Variants in MAPK8IP1 observed in about 807,000 individuals in gnomAD.
MAPK8IP1 encodes C-Jun-amino-terminal kinase-interacting protein 1.
In MAPK8IP1, 17 loss-of-function variants were observed where a neutral mutation model predicts 72.6. The ratio of observed to expected loss-of-function variants is 0.23; its 90% confidence interval spans 0.16 to 0.35. The LOEUF is 0.35. MAPK8IP1 is among the 10% of genes least tolerant of loss of function. The pLI, the probability that MAPK8IP1 is intolerant of heterozygous loss-of-function variation, is 1.00. For missense variants in MAPK8IP1, 789 were observed against 1,009.7 expected (o/e 0.78, Z 2.96); for synonymous variants, 401 against 443.4 (o/e 0.90, Z 1.20).
At position 45,900,653 on chromosome 11, in the gene MAPK8IP1, G is replaced by C. The variant is rs1485945520; in HGVS notation, c.522+201G>C. 6.6e-6 allele frequency among the ~76,000 whole-genome samples: 1 copy of C among 152,250 alleles called. No homozygotes were observed. Among genetic ancestry groups the C allele is most frequent in the Admixed American group, 6.5e-5 (1 of 15,290 alleles). ...CCTTACGAAGAGGGGGCTGAGTCCAGCTGGCCGGGCTTGGAGCCTTGAGGC... is the reference window on the plus strand; with the variant it reads ...CCTTACGAAGAGGGGGCTGAGTCCACCTGGCCGGGCTTGGAGCCTTGAGGC... On this transcript the variant is annotated intron_variant, in intron 3 of 11. Transcript: ENST00000241014. The surrounding 1 kb of genome is among the most constrained non-coding windows in gnomAD (Gnocchi z 6.5).
Position 45,903,245 on chromosome 11 carries a change from G to A in MAPK8IP1, c.1417+61G>A, listed in dbSNP as rs2086671974. 6.3e-7 allele frequency: 1 copy of A among 1,586,728 alleles called. No homozygotes were observed. The highest frequency in any genetic ancestry group is 8.6e-7 in the Non-Finnish European group (1 of 1,164,396). Reference sequence around the variant, plus strand: ...TCCCTAGCGGGGGCAGAGCCAAAATGCGAAGTGTTCTGGGAGGCGACCCCA... The same window carrying A: ...TCCCTAGCGGGGGCAGAGCCAAAATACGAAGTGTTCTGGGAGGCGACCCCA... On this transcript the variant is annotated intron_variant, in intron 5 of 11. Transcript: ENST00000241014. The surrounding 1 kb of genome is among the most constrained non-coding windows in gnomAD (Gnocchi z 6.4).
chr11:45,896,972 G>C lies in MAPK8IP1; in HGVS notation c.102-1113G>C, dbSNP rs79898176. 1,078 of 1,558,890 alleles carry C rather than the reference G, an allele frequency of 6.9e-4. 4 individuals carry two copies. The East Asian group carries it at 0.023, about 34-fold the overall frequency. On this transcript the variant is annotated intron_variant, in intron 1 of 11. Transcript: ENST00000241014. ...GCTGGTAGGGGCTACCGGGGCTGGC[G>C]GGGGTGGAGACCGAGTTGGGGTGAG...
Position 45,903,646 on chromosome 11 carries a change from T to G in MAPK8IP1, c.1493+206T>G, listed in dbSNP as rs997685792. On this transcript the variant is annotated intron_variant, in intron 6 of 11. Transcript: ENST00000241014. The surrounding 1 kb of genome is among the most constrained non-coding windows in gnomAD (Gnocchi z 6.4). ...GCTACAGTGAGGGATCCCAGAACTG[T>G]GCACCTAGTCTGGCCAGGGGCAGGG... 6.6e-6 allele frequency among the ~76,000 whole-genome samples: 1 copy of G among 152,166 alleles called. No individual in the cohort carries two copies. The highest frequency in any genetic ancestry group is 2.4e-5 in the African/African-American group (1 of 41,442).
chr11:45,894,671 C>T (rs546720652), intron 1 of MAPK8IP1, among the ~76,000 whole-genome samples: 5 of 152,318 alleles, frequency 3.3e-5, no homozygotes, highest in Middle Eastern at 3.4e-3. Flanking sequence ...AGAGGCTGTC[C>T]TGTGACAGAC....
chr11:45,887,075 C>G (rs2086532777), intron 1 of MAPK8IP1, among the ~76,000 whole-genome samples: 1 of 152,170 alleles, frequency 6.6e-6, no homozygotes, highest in Non-Finnish European at 1.5e-5. Context: ...CTGCAGCTCT[C>G]TGATAATGCC....
intron 1 of MAPK8IP1, among the ~76,000 whole-genome samples, chr11:45,889,683 T>A (rs2086552082): frequency 6.6e-6 from 1 of 151,762 alleles, no homozygotes; most frequent in African/African-American, 2.4e-5. Context: ...ACCAGCTCCC[T>A]CCCCTTATGA....
chr11:45,901,822 T>G lies in MAPK8IP1; in HGVS notation c.523-158T>G. On this transcript the variant is annotated intron_variant, in intron 3 of 11. Coordinates refer to ENST00000241014, the MANE Select transcript of MAPK8IP1 (RefSeq NM_005456.4). ...GCTGTGACTTGCCACCCTTCCTGCC[T>G]GCTCCAGAGGAGAGTTACGAGTGAG... 4 of 760,746 alleles carry G rather than the reference T, an allele frequency of 5.3e-6. No individual in the cohort carries two copies. In the South Asian group the frequency reaches 5.6e-5, roughly 11 times the overall value. 47.1% of individuals were successfully genotyped at this position (760,746 alleles called of 1,614,324 possible).
At chr11:45,896,664 C>T in intron 1 of MAPK8IP1, 1 of 1,404,298 alleles carries the variant, frequency 7.1e-7, no homozygotes, top group Non-Finnish European at 9.3e-7. Context: ...AGAGCTGGGG[C>T]TGGGACCCGG....
Position 45,901,965 on chromosome 11 carries a change from T to C in MAPK8IP1, c.523-15T>C. On this transcript the variant is annotated splice_polypyrimidine_tract_variant and intron_variant, in intron 3 of 11. Transcript: ENST00000241014. ...TGACCACTTCCATCACAAGAGCCTT[T>C]TGTTCCCTGCACAGGACACACTGAA... 5 of 1,609,554 alleles carry C rather than the reference T, an allele frequency of 3.1e-6. No homozygotes were observed. The highest frequency in any genetic ancestry group is 4.3e-6 in the Non-Finnish European group (5 of 1,175,882).
chr11:45,896,931 G>A, intron 1 of MAPK8IP1: 1 of 1,574,266 alleles, frequency 6.4e-7, no homozygotes, highest in South Asian at 1.2e-5. Flanking sequence ...CAGCTGGTTG[G>A]AGGATCAATG....
intron 1 of MAPK8IP1, among the ~76,000 whole-genome samples, 193 bp downstream of exon 1, chr11:45,886,114 A>G (rs1251852510): frequency 1.3e-5 from 2 of 152,058 alleles, no homozygotes; most frequent in Non-Finnish European, 2.9e-5. Context: ...TAGCCGTTGC[A>G]TGTTCACGAG....
chr11:45,894,233 C>T (rs1029965635), intron 1 of MAPK8IP1, among the ~76,000 whole-genome samples: 2 of 152,164 alleles, frequency 1.3e-5, no homozygotes, highest in East Asian at 1.9e-4. Context: ...AAGAGAGATG[C>T]ATGGCATAAA....
At chr11:45,889,513 T>G (rs1029164550) in intron 1 of MAPK8IP1, among the ~76,000 whole-genome samples, 19 of 151,976 alleles carry the variant, frequency 1.3e-4, no homozygotes, top group African/African-American at 4.6e-4. Flanking sequence ...ACATTGGCAC[T>G]GGGTAGGTGG....
At chr11:45,890,213 G>A (rs990498776) in intron 1 of MAPK8IP1, among the ~76,000 whole-genome samples, 3 of 152,152 alleles carry the variant, frequency 2.0e-5, no homozygotes, top group African/African-American at 7.2e-5. Context: ...GCCATGTGAC[G>A]ATGCCGACCT....
Position 45,904,909 on chromosome 11 carries a change from C to T in MAPK8IP1, c.1894-62C>T. 6.2e-7 allele frequency: 1 copy of T among 1,600,252 alleles called. No homozygotes were observed. The highest frequency in any genetic ancestry group is 8.6e-7 in the Non-Finnish European group (1 of 1,167,400). On this transcript the variant is annotated intron_variant, in intron 9 of 11. Transcript: ENST00000241014. The surrounding 1 kb of genome is among the most constrained non-coding windows in gnomAD (Gnocchi z 6.4). ...CCAAGACTTGTGATGAAGAGGCCATCTCCTGTCACCCTCACTGCAGGCCAG... is the reference window on the plus strand; with the variant it reads ...CCAAGACTTGTGATGAAGAGGCCATTTCCTGTCACCCTCACTGCAGGCCAG...
At chr11:45,896,823 C>T (rs892500439) in intron 1 of MAPK8IP1, 47 of 1,546,206 alleles carry the variant, frequency 3.0e-5, no homozygotes, top group African/African-American at 2.3e-4. Flanking sequence ...CCCACCCTTC[C>T]GGGCATGAGA....
At position 45,885,814 on chromosome 11, in the gene MAPK8IP1, C is replaced by A. The variant is rs1340905844; in HGVS notation, c.-7C>A. On this transcript the variant is annotated 5_prime_UTR_variant, in exon 1 of 12. Transcript: ENST00000241014. ...CTCCGCCCGGATGGCCAGGGCTGTG[C>A]CCGAGAATGGCGGAGCGAGAAAGCG... 1.4e-6 allele frequency: 2 copies of A among 1,416,990 alleles called. No homozygotes were observed. The highest frequency in any genetic ancestry group is 1.5e-5 in the African/African-American group (1 of 67,162). 87.8% of individuals were successfully genotyped at this position (1,416,990 alleles called of 1,614,324 possible). A position where few individuals can be genotyped will look rare whatever the true frequency, so the allele number is the denominator to read the frequency against.
chr11:45,888,387 AG>A (rs1276983640), intron 1 of MAPK8IP1, among the ~76,000 whole-genome samples: 3 of 152,150 alleles, frequency 2.0e-5, no homozygotes, highest in African/African-American at 7.2e-5. Context: ...GTATCAACAG[AG>A]CGTTGTTATT....
Position 45,900,710 on chromosome 11 carries a change from A to T in MAPK8IP1, c.522+258A>T, listed in dbSNP as rs1312287720. Among the ~76,000 whole-genome samples the T allele has an allele frequency of 1.3e-5, 2 of 152,058 alleles. No individual in the cohort carries two copies. The highest frequency in any genetic ancestry group is 2.9e-5 in the Non-Finnish European group (2 of 67,998). On this transcript the variant is annotated intron_variant, in intron 3 of 11. Coordinates refer to ENST00000241014, the MANE Select transcript of MAPK8IP1 (RefSeq NM_005456.4). The surrounding 1 kb of genome is among the most constrained non-coding windows in gnomAD (Gnocchi z 6.5). The stretch of plus-strand genomic sequence containing the variant: ...GAAGGAGGGAAGGACTGGGGTTAGG[A>T]GAGGAGTAGGGAATTAAGAGAATGA...
Sources: gnomAD v4.1 joint callset for allele counts (sites outside exome capture counted in the v4.1 genomes callset) on GRCh38, gnomAD v4.1.1 for gene constraint, Gnocchi (gnomAD v3.1) non-coding constraint, MANE v1.5 for transcripts, NCBI Gene and HGNC (gene_info 2026-07-23, HGNC 2026-07-21) for gene names.